The following FNBP1L variants were observed in gnomAD, a reference collection of about 807,000 sequenced individuals.
FNBP1L encodes formin-binding protein 1-like.
A neutral mutation model predicts 91.2 loss-of-function variants in FNBP1L; 36 were observed. The ratio of observed to expected loss-of-function variants is 0.39; its 90% CI spans 0.30 to 0.52. The LOEUF (loss-of-function observed/expected upper bound fraction) is 0.52. Ranked by LOEUF, FNBP1L falls within the 20% of genes least tolerant of loss-of-function variation. The probability of loss-of-function intolerance (pLI) is 0.66; values close to 1 mark genes in which losing one functional copy is unlikely to be tolerated. For missense variants in FNBP1L, 571 were observed against 732.1 expected (o/e 0.78, Z 2.54); for synonymous variants, 242 against 237.0 (o/e 1.02, Z -0.19).
chr1:93,514,825 A>G (rs1329325559), intron 2 of FNBP1L, among the ~76,000 whole-genome samples: 1 of 151,932 alleles, frequency 6.6e-6, no homozygotes, highest in East Asian at 1.9e-4. Flanking sequence ...CTAGAAGAAA[A>G]CCTAGGCATT....
chr1:93,449,178 A>C (rs572352739), intron 1 of FNBP1L, among the ~76,000 whole-genome samples: 15 of 151,984 alleles, frequency 9.9e-5, no homozygotes, highest in Non-Finnish European at 1.9e-4. Context: ...GACAATGCCC[A>C]GTGTCTGGCC....
intron 14 of FNBP1L, among the ~76,000 whole-genome samples, chr1:93,548,398 T>C (rs1057394504): frequency 6.6e-6 from 1 of 152,202 alleles, no homozygotes; most frequent in Non-Finnish European, 1.5e-5. Flanking sequence ...ATTTAAAAAA[T>C]TTTAAGAAAA....
At chr1:93,478,311 A>G (rs1038116522) in intron 1 of FNBP1L, among the ~76,000 whole-genome samples, 2 of 151,064 alleles carry the variant, frequency 1.3e-5, no homozygotes, top group Admixed American at 1.3e-4. Context: ...CTAAGCAGAG[A>G]GAGAGAGAGG....
chr1:93,517,472 G>A (rs1671169118), intron 2 of FNBP1L, among the ~76,000 whole-genome samples: 1 of 152,096 alleles, frequency 6.6e-6, no homozygotes, highest in Non-Finnish European at 1.5e-5. Context: ...GATTGCAGGC[G>A]TGAGACACCT....
chr1:93,488,494 A>G (rs543438264), intron 1 of FNBP1L: 1 of 152,240 alleles, frequency 6.6e-6, no homozygotes, highest in South Asian at 2.1e-4. Context: ...CCAGTGATCT[A>G]TTTAAAAACT....
chr1:93,551,408 G>A (rs541495344), intron 16 of FNBP1L: 1 of 1,028,728 alleles, frequency 9.7e-7, no homozygotes, highest in Middle Eastern at 4.7e-4. Context: ...CTTACAAATA[G>A]AATTTGATTT....
At chr1:93,460,919 CATAA>C (rs912524378) in intron 1 of FNBP1L, among the ~76,000 whole-genome samples, 12 of 152,224 alleles carry the variant, frequency 7.9e-5, no homozygotes, top group African/African-American at 2.4e-4. Context: ...AGTTTTATAT[CATAA>C]ATATATATAA....
At chr1:93,491,565 T>A (rs1449045768) in intron 1 of FNBP1L, among the ~76,000 whole-genome samples, 1 of 151,920 alleles carries the variant, frequency 6.6e-6, no homozygotes, top group Non-Finnish European at 1.5e-5. Flanking sequence ...ATAAAAAAAT[T>A]TTCGTTTGTT....
chr1:93,522,629 G>T (rs1321952270), intron 3 of FNBP1L, among the ~76,000 whole-genome samples: 1 of 152,126 alleles, frequency 6.6e-6, no homozygotes, highest in Non-Finnish European at 1.5e-5. Context: ...GGAGAAACAA[G>T]AGGAGACTCG....
intron 1 of FNBP1L, among the ~76,000 whole-genome samples, chr1:93,457,706 C>G (rs1668715087): frequency 6.6e-6 from 1 of 151,572 alleles, no homozygotes; most frequent in Non-Finnish European, 1.5e-5. Context: ...GATAGTTGAC[C>G]CAGATAACTT....
intron 1 of FNBP1L, among the ~76,000 whole-genome samples, chr1:93,471,348 ATTTTTG>A (rs1669278893): frequency 6.6e-6 from 1 of 152,146 alleles, no homozygotes; most frequent in African/African-American, 2.4e-5. Context: ...TTAAAGCTAC[ATTTTTG>A]TTTTTATTTT....
intron 8 of FNBP1L, among the ~76,000 whole-genome samples, chr1:93,534,293 A>G (rs1671776908): frequency 6.6e-6 from 1 of 152,056 alleles, no homozygotes; most frequent in South Asian, 2.1e-4. Flanking sequence ...CATTCCAAAG[A>G]TTAGCTTCTT....
intron 11 of FNBP1L, 119 bp from the exon 12 acceptor site, chr1:93,543,988 T>A: frequency 1.7e-6 from 1 of 582,172 alleles, no homozygotes; most frequent in Non-Finnish European, 2.7e-6. Flanking sequence ...AAGGGGTTGC[T>A]TGAGGCAAAT....
intron 1 of FNBP1L, among the ~76,000 whole-genome samples, chr1:93,452,548 A>G (rs1415099697): frequency 6.6e-6 from 1 of 152,196 alleles, no homozygotes; most frequent in Non-Finnish European, 1.5e-5. Context: ...TTTATCTGTA[A>G]CAAAGGAATT....
rs111422032 is a variant in FNBP1L, at chr1:93,522,028, A to G, written c.141-54A>G. On this transcript the variant is annotated intron_variant, in intron 2 of 16. Coordinates refer to ENST00000271234, the MANE Select transcript of FNBP1L (RefSeq NM_001164473.3). ...GAAATTGAAAACTTAGACTATTTCAATTGTAACAATAGTTGAAATTTTTAA... is the reference window on the plus strand; with the variant it reads ...GAAATTGAAAACTTAGACTATTTCAGTTGTAACAATAGTTGAAATTTTTAA... 1.3e-4 allele frequency: 153 copies of G among 1,163,120 alleles called. 1 individual carries two copies. The highest frequency in any genetic ancestry group is 3.4e-4 in the African/African-American group (21 of 62,532). 72.0% of individuals were successfully genotyped at this position (1,163,120 alleles called of 1,614,324 possible). A position where few individuals can be genotyped will look rare whatever the true frequency, so the allele number is the denominator to read the frequency against.
intron 6 of FNBP1L, 67 bp downstream of exon 6, chr1:93,529,823 A>G: frequency 1.1e-6 from 1 of 906,558 alleles, no homozygotes; most frequent in African/African-American, 1.7e-5. Flanking sequence ...AGTAGTCACG[A>G]CATTTGTATG....
chr1:93,455,256 A>G (rs1668621953), intron 1 of FNBP1L, among the ~76,000 whole-genome samples: 1 of 152,188 alleles, frequency 6.6e-6, no homozygotes. Flanking sequence ...GCAGTGGCAC[A>G]GTCATAGCTC....
chr1:93,541,127 C>G (rs962160222), intron 11 of FNBP1L, 71 bp downstream of exon 11: 2 of 1,419,568 alleles, frequency 1.4e-6, no homozygotes, highest in Non-Finnish European at 1.9e-6. Context: ...TTGTTTAATT[C>G]AAAACAAGTG....
At chr1:93,542,407 G>C (rs1672075372) in intron 11 of FNBP1L, among the ~76,000 whole-genome samples, 1 of 129,166 alleles carries the variant, frequency 7.7e-6, no homozygotes, top group East Asian at 2.6e-4. Flanking sequence ...GCCAGATTGG[G>C]TTGATTGATA....
Sources: gnomAD v4.1 joint callset for allele counts (sites outside exome capture counted in the v4.1 genomes callset) on GRCh38, gnomAD v4.1.1 for gene constraint, MANE v1.5 for transcripts, NCBI Gene and HGNC (gene_info 2026-07-23, HGNC 2026-07-21) for gene names.